The following APP variants were observed in gnomAD, a reference collection of about 807,000 sequenced individuals.
APP encodes the protein amyloid-beta precursor protein.
In APP, 31 loss-of-function variants were observed where a neutral mutation model predicts 101.4. The observed-to-expected ratio is 0.31, with a 90% confidence interval of 0.23 to 0.41. The LOEUF (loss-of-function observed/expected upper bound fraction) is 0.41, where lower values mean the gene tolerates loss of function less well. Among genes scored for constraint, APP ranks in the 10% least tolerant of loss-of-function variants. The pLI is 1.00. For synonymous variants in APP, 366 were observed against 364.4 expected (o/e 1.00, Z -0.05); for missense variants, 839 against 1,003.7 (o/e 0.84, Z 2.22).
intron 8 of APP, among the ~76,000 whole-genome samples, chr21:25,992,937 G>T (rs1306117392): frequency 1.3e-5 from 2 of 152,210 alleles, no homozygotes; most frequent in African/African-American, 2.4e-5. Context: ...AGAATAGTGT[G>T]ATTAAGAACA....
At chr21:25,976,157 C>T (rs937487899) in intron 9 of APP, 129 bp from the exon 10 acceptor site, 1 of 699,088 alleles carries the variant, frequency 1.4e-6, no homozygotes, top group South Asian at 1.6e-5. Flanking sequence ...TTATTACATA[C>T]CCCTTCCTAT....
intron 1 of APP, among the ~76,000 whole-genome samples, chr21:26,116,650 G>A (rs2146219981): frequency 6.6e-6 from 1 of 152,276 alleles, no homozygotes; most frequent in Admixed American, 6.5e-5. Context: ...AAGTGAACAA[G>A]GAGCTCTCTG....
At chr21:26,037,631 T>A (rs544560050) in intron 5 of APP, among the ~76,000 whole-genome samples, 3 of 152,350 alleles carry the variant, frequency 2.0e-5, no homozygotes, top group East Asian at 3.9e-4. Flanking sequence ...GGTCTCAGCA[T>A]CCTGTTCCAC....
At chr21:26,138,947 TA>T (rs1259803459) in intron 1 of APP, among the ~76,000 whole-genome samples, 2 of 152,152 alleles carry the variant, frequency 1.3e-5, no homozygotes, top group East Asian at 3.9e-4. Context: ...TGGTAAGCAA[TA>T]AAGTGTTTGC....
Position 26,034,629 on chromosome 21 carries a change from A to G in APP, c.663-12587T>C, listed in dbSNP as rs1454082290. Among the ~76,000 whole-genome samples the G allele has an allele frequency of 1.1e-4, 14 of 132,576 alleles. No homozygotes were observed. In the East Asian group the frequency reaches 2.7e-3, roughly 25 times the overall value. The allele number at this position is 132,576 out of a possible 152,430, so 87.0% of individuals were successfully genotyped here. On this transcript the variant is annotated intron_variant, in intron 5 of 17. Coordinates refer to ENST00000346798, the MANE Select transcript of APP (RefSeq NM_000484.4). ...TGCACTCCAGCCTGGGCGACAGAGC[A>G]AGACTTCTCAAAAAAAAAAAGAAAA...
intron 5 of APP, among the ~76,000 whole-genome samples, chr21:26,028,466 A>G (rs2044679749): frequency 6.6e-6 from 1 of 152,198 alleles, no homozygotes; most frequent in Non-Finnish European, 1.5e-5. Context: ...TATCCACATA[A>G]TGCACAAGTG....
rs1292470225 is a variant in APP, at chr21:26,083,271, C to T, written c.355+6672G>A. On this transcript the variant is annotated intron_variant, in intron 3 of 17. Transcript: ENST00000346798. ...ATCATTTATAACAACTATTACACCA[C>T]CACAAAATAAAGAAAACCACCTAAA... Among the ~76,000 whole-genome samples the T allele has an allele frequency of 2.0e-5, 3 of 152,248 alleles. No homozygotes were observed. The East Asian group carries it at 5.8e-4, about 29-fold the overall frequency.
chr21:26,117,190 C>T (rs551480972), intron 1 of APP, among the ~76,000 whole-genome samples: 11 of 152,292 alleles, frequency 7.2e-5, no homozygotes, highest in African/African-American at 1.9e-4. Context: ...AGCTTTGTAG[C>T]GATACTATTT....
chr21:26,050,083 T>C (rs964649947), intron 5 of APP, among the ~76,000 whole-genome samples: 1 of 152,184 alleles, frequency 6.6e-6, no homozygotes, highest in Non-Finnish European at 1.5e-5. Flanking sequence ...GGTCCCAGTG[T>C]TCTAGCTGAT....
intron 13 of APP, among the ~76,000 whole-genome samples, chr21:25,946,625 C>T (rs146300349): frequency 3.3e-5 from 5 of 151,952 alleles, no homozygotes; most frequent in South Asian, 4.2e-4. Context: ...GAGATCATGC[C>T]GCTTCACTTC....
intron 1 of APP, among the ~76,000 whole-genome samples, chr21:26,134,713 T>C (rs2062860480): frequency 6.6e-6 from 1 of 152,144 alleles, no homozygotes. Flanking sequence ...CTCCTGGAGG[T>C]TGGGGAGGGT....
intron 5 of APP, among the ~76,000 whole-genome samples, chr21:26,033,770 G>A (rs2044955985): frequency 6.6e-6 from 1 of 152,208 alleles, no homozygotes; most frequent in Non-Finnish European, 1.5e-5. Flanking sequence ...GGCGGTGCTC[G>A]TGAAGCCTAC....
rs45491202 is a variant in APP, at chr21:26,118,357, CAA to C, written c.58-6213_58-6212del. Among the ~76,000 whole-genome samples, 849 of 152,232 alleles carry C rather than the reference CAA, an allele frequency of 5.6e-3. 10 individuals carry two copies. The highest frequency in any genetic ancestry group is 0.019 in the African/African-American group (809 of 41,534). ...TGCATGGCAAACAAACTCTTAGCCT[CAA>C]AAACAGTTTACAATCTAGTCAATGT... is the stretch of plus-strand genomic sequence containing the variant. On this transcript the variant is annotated intron_variant, in intron 1 of 17. Coordinates refer to ENST00000346798, the MANE Select transcript of APP (RefSeq NM_000484.4).
chr21:26,042,026 AT>A (rs1256973898), intron 5 of APP, among the ~76,000 whole-genome samples: 2 of 152,148 alleles, frequency 1.3e-5, no homozygotes, highest in Non-Finnish European at 2.9e-5. Flanking sequence ...GCCATGAGCC[AT>A]TTCATTAAAT....
At chr21:25,885,292 T>G (rs751686103) in intron 17 of APP, among the ~76,000 whole-genome samples, 8 of 152,366 alleles carry the variant, frequency 5.3e-5, no homozygotes, top group Admixed American at 2.6e-4. Flanking sequence ...CTCTTCCTCA[T>G]GGCTAAGCTA....
chr21:26,013,844 G>A (rs928383751), intron 6 of APP, among the ~76,000 whole-genome samples: 7 of 151,976 alleles, frequency 4.6e-5, no homozygotes, highest in African/African-American at 1.2e-4. Flanking sequence ...TAAACTACAC[G>A]GAAAGATGCT....
At chr21:26,031,548 A>G (rs2044823622) in intron 5 of APP, among the ~76,000 whole-genome samples, 2 of 152,186 alleles carry the variant, frequency 1.3e-5, no homozygotes, top group Admixed American at 1.3e-4. Context: ...CATTTCTTAC[A>G]TGGTGGCGGC....
intron 13 of APP, among the ~76,000 whole-genome samples, chr21:25,925,843 G>A (rs898761188): frequency 6.6e-6 from 1 of 152,214 alleles, no homozygotes; most frequent in Non-Finnish European, 1.5e-5. Flanking sequence ...GGCTGAGGCA[G>A]GAGAATTGCT....
intron 11 of APP, among the ~76,000 whole-genome samples, chr21:25,965,538 T>C (rs1460338255): frequency 6.6e-6 from 1 of 152,174 alleles, no homozygotes; most frequent in Non-Finnish European, 1.5e-5. Context: ...AAATTCTGAG[T>C]TTTTTGTTGA....
Sources: gnomAD v4.1 joint callset for allele counts (sites outside exome capture counted in the v4.1 genomes callset) on GRCh38, gnomAD v4.1.1 for gene constraint, MANE v1.5 for transcripts, NCBI Gene and HGNC (gene_info 2026-07-23, HGNC 2026-07-21) for gene names.